NALCN: variants seen among roughly 807,000 people sequenced by gnomAD.
NALCN encodes the protein sodium leak channel, non-selective.
A neutral mutation model predicts 225.3 loss-of-function variants in NALCN; 111 were observed. That is an observed-to-expected ratio of 0.49 (90% CI 0.42 to 0.58). The LOEUF is 0.58. Ranked by LOEUF, NALCN falls within the 20% of genes least tolerant of loss-of-function variation. The pLI is 0.00. For missense variants in NALCN, 1,378 were observed against 2,202.4 expected, an observed-to-expected ratio of 0.63 and a Z score of 7.49; for synonymous variants, 764 against 769.0, an observed-to-expected ratio of 0.99 and a Z score of 0.11.
intron 31 of NALCN, 131 bp from the exon 32 acceptor site, chr13:101,083,329 G>T: frequency 1.3e-6 from 1 of 772,592 alleles, no homozygotes; most frequent in Non-Finnish European, 2.1e-6. Flanking sequence ...TCTATTGTGA[G>T]GTGTTTTTGC....
At chr13:101,076,773 G>A (rs989281216) in intron 34 of NALCN, among the ~76,000 whole-genome samples, 1 of 152,186 alleles carries the variant, frequency 6.6e-6, no homozygotes, top group African/African-American at 2.4e-5. Flanking sequence ...TCTTGGAGAA[G>A]AACAAAGGCA....
intron 26 of NALCN, among the ~76,000 whole-genome samples, chr13:101,102,852 C>T (rs2034897911): frequency 6.6e-6 from 1 of 152,118 alleles, no homozygotes; most frequent in Non-Finnish European, 1.5e-5. Flanking sequence ...ATCTTCTTAT[C>T]CTTCATTTTC....
At chr13:101,233,363 C>T (rs1176155095) in intron 12 of NALCN, among the ~76,000 whole-genome samples, 4 of 138,276 alleles carry the variant, frequency 2.9e-5, no homozygotes, top group African/African-American at 8.5e-5. Context: ...TTTTGTGAGA[C>T]GGAGTCTCCC....
chr13:101,105,014 C>T, intron 22 of NALCN, 64 bp from the exon 23 acceptor site: 1 of 1,438,892 alleles, frequency 6.9e-7, no homozygotes, highest in Middle Eastern at 1.8e-4. Flanking sequence ...TGCTAAAAAT[C>T]ATATTTGCAA....
intron 7 of NALCN, among the ~76,000 whole-genome samples, chr13:101,324,595 G>A (rs569236732): frequency 2.0e-5 from 3 of 152,086 alleles, no homozygotes; most frequent in Admixed American, 6.6e-5. Flanking sequence ...TTGGTGTATA[G>A]GAATGCTTGT....
chr13:101,060,119 C>A (rs1036684469), intron 41 of NALCN, 152 bp from the exon 42 acceptor site: 75 of 862,270 alleles, frequency 8.7e-5, no homozygotes, highest in Non-Finnish European at 3.4e-5. Flanking sequence ...GAACTAATTT[C>A]AATGTTCAAT....
At chr13:101,119,122 C>T (rs1369898166) in intron 18 of NALCN, among the ~76,000 whole-genome samples, 2 of 152,058 alleles carry the variant, frequency 1.3e-5, no homozygotes, top group South Asian at 2.1e-4. Context: ...TGCGTGAATT[C>T]TTAGGGGCAC....
At chr13:101,343,751 G>T (rs1054486484) in intron 7 of NALCN, among the ~76,000 whole-genome samples, 1 of 152,216 alleles carries the variant, frequency 6.6e-6, no homozygotes, top group Non-Finnish European at 1.5e-5. Context: ...AGTACAAGGA[G>T]ACTTTTTCTC....
chr13:101,395,353 A>C lies in NALCN; in HGVS notation c.121T>G (p.Leu41Val), dbSNP rs746867307. ...CTGATGATGGCACAGATGCGCAGCA[A>C]AGAGTGAACCCACTGCAATGATGGT... is the stretch of plus-strand genomic sequence containing the variant. The part of the protein sequence containing the change: ...LWINKPWVHS[L>V]LRICAIISVI... The change falls in exon 3 of 44, where the codon TTG (leucine) becomes GTG (valine). Residue 41 changes from leucine to valine, a missense_variant. Physicochemically the swap from Leu to Val is conservative, Grantham distance 32. Around this residue, in one of 19 missense-constraint regions of NALCN, gnomAD observed 146 missense variants for 205.9 expected, o/e 0.71. Transcript: ENST00000251127. 3 of 1,613,742 alleles carry C rather than the reference A, an allele frequency of 1.9e-6. No homozygotes were observed. The South Asian group carries it at 3.3e-5, about 18-fold the overall frequency.
At position 101,163,833 on chromosome 13, in the gene NALCN, T is replaced by C. The variant is rs1318293076; in HGVS notation, c.1839+12467A>G. 2.0e-5 allele frequency among the ~76,000 whole-genome samples: 3 copies of C among 152,146 alleles called. 1 individual carries two copies. The highest frequency in any genetic ancestry group is 2.0e-4 in the Admixed American group (3 of 15,270). On this transcript the variant is annotated intron_variant, in intron 15 of 43. Coordinates refer to ENST00000251127, the MANE Select transcript of NALCN (RefSeq NM_052867.4). ...TGTATTGTCTCATATTTCTGGGGGC[T>C]GGAAGTCTGAGATCAAGATGTCAGC...
intron 1 of NALCN, among the ~76,000 whole-genome samples, 168 bp downstream of exon 1, chr13:101,416,145 G>A (rs1441539178): frequency 6.6e-6 from 1 of 151,608 alleles, no homozygotes; most frequent in Non-Finnish European, 1.5e-5. Flanking sequence ...CCCCGCGCGG[G>A]GCCCCCGCCC....
chr13:101,164,518 TG>T (rs1169953665), intron 15 of NALCN, among the ~76,000 whole-genome samples: 1 of 152,192 alleles, frequency 6.6e-6, no homozygotes, highest in African/African-American at 2.4e-5. Context: ...CTCCAACTAC[TG>T]GGCTCAAGCG....
chr13:101,400,576 T>TGTGC (rs761734916), intron 1 of NALCN, among the ~76,000 whole-genome samples: 42 of 109,656 alleles, frequency 3.8e-4, no homozygotes, highest in Middle Eastern at 4.7e-3. Flanking sequence ...TGTGTGTGTG[T>TGTGC]GTGTGCACGT....
intron 6 of NALCN, among the ~76,000 whole-genome samples, chr13:101,363,764 G>A (rs1022083122): frequency 6.6e-6 from 1 of 152,018 alleles, no homozygotes; most frequent in African/African-American, 2.4e-5. Flanking sequence ...CTTCGGCACA[G>A]CAAAGGAAAC....
At chr13:101,416,157 C>A (rs1418628568) in intron 1 of NALCN, among the ~76,000 whole-genome samples, 156 bp downstream of exon 1, 3 of 151,720 alleles carry the variant, frequency 2.0e-5, no homozygotes, top group Non-Finnish European at 4.4e-5. Context: ...CCCCCGCCCG[C>A]AGCCCCTCTA....
intron 18 of NALCN, among the ~76,000 whole-genome samples, chr13:101,118,730 G>A (rs760156952): frequency 6.6e-5 from 10 of 152,078 alleles, no homozygotes; most frequent in Non-Finnish European, 1.3e-4. Context: ...TAAAACTTGG[G>A]GTTATTCATA....
chr13:101,132,933 T>C (rs2036589423), intron 17 of NALCN, among the ~76,000 whole-genome samples: 2 of 152,200 alleles, frequency 1.3e-5, no homozygotes, highest in Admixed American at 6.5e-5. Context: ...GTTCTACATA[T>C]GCATAATTGA....
At chr13:101,297,701 C>T (rs1566545878) in intron 7 of NALCN, among the ~76,000 whole-genome samples, 1 of 152,202 alleles carries the variant, frequency 6.6e-6, no homozygotes, top group Admixed American at 6.5e-5. Context: ...TCGGGTCATC[C>T]TGCTACAGGT....
chr13:101,278,334 C>T (rs1373981970), intron 10 of NALCN, among the ~76,000 whole-genome samples: 2 of 151,816 alleles, frequency 1.3e-5, no homozygotes, highest in Non-Finnish European at 2.9e-5. Context: ...ACCAGCCTGA[C>T]CAACATGGTG....
Sources: allele counts gnomAD v4.1 joint callset (sites outside exome capture counted in the v4.1 genomes callset), GRCh38; gene constraint gnomAD v4.1.1; regional missense constraint gnomAD v4.1.1; transcripts MANE v1.5; gene names NCBI Gene and HGNC (gene_info 2026-07-23, HGNC 2026-07-21).